COLGALT1: variants seen among roughly 807,000 people sequenced by gnomAD.
COLGALT1 encodes collagen beta(1-O)galactosyltransferase 1.
Under a neutral mutation model 60.8 loss-of-function variants are expected in COLGALT1, and 43 were observed. The ratio of observed to expected loss-of-function variants is 0.71; its 90% CI spans 0.55 to 0.91. The LOEUF is 0.91. Ranked by LOEUF, COLGALT1 falls within the 40% of genes least tolerant of loss-of-function variation. The probability of loss-of-function intolerance (pLI) is 0.00; values close to 1 mark genes in which losing one functional copy is unlikely to be tolerated. For missense variants in COLGALT1, 845 were observed against 880.0 expected (o/e 0.96, Z 0.50); for synonymous variants, 369 against 374.2 (o/e 0.99, Z 0.16).
intron 5 of COLGALT1, among the ~76,000 whole-genome samples, chr19:17,570,472 C>G (rs8101941): frequency 0.11 from 16,563 of 152,122 alleles, 987 homozygotes; most frequent in East Asian, 0.25. Context: ...ACTTGAACTC[C>G]TGGCCTTAAG....
chr19:17,566,956 A>C (rs2076282738), intron 3 of COLGALT1, among the ~76,000 whole-genome samples: 1 of 152,160 alleles, frequency 6.6e-6, no homozygotes, highest in Admixed American at 6.6e-5. Context: ...TCTATTAAAA[A>C]TACAAAAAGT....
intron 6 of COLGALT1, among the ~76,000 whole-genome samples, chr19:17,573,310 A>C (rs1335494322): frequency 6.6e-6 from 1 of 152,066 alleles, no homozygotes; most frequent in Non-Finnish European, 1.5e-5. Flanking sequence ...GGCGGATCAC[A>C]AGGTCAAAAG....
At chr19:17,560,676 T>C (rs984152881) in intron 3 of COLGALT1, among the ~76,000 whole-genome samples, 4 of 152,162 alleles carry the variant, frequency 2.6e-5, no homozygotes, top group African/African-American at 9.7e-5. Flanking sequence ...TAGGAATGAA[T>C]GGGCTTTTCT....
rs769345474 is a variant in COLGALT1 at position 17,577,248 on chromosome 19, C to T, written c.1003C>T (p.Pro335Ser). The T allele has an allele frequency of 6.2e-7, 1 of 1,613,286 alleles. No individual in the cohort carries two copies. The highest frequency in any genetic ancestry group is 1.7e-5 in the Admixed American group (1 of 59,944). ...SRFISAPTKT[P>S]DKMGFDEVFM... is the part of the protein sequence containing the mutation. ...CTTCATCTCGGCTCCCACCAAGACA[C>T]CGGACAAGATGGGCTTCGACGAGGT... The change falls in exon 7 of 12, where the codon CCG (proline) becomes TCG (serine). Residue 335 changes from proline (P) to serine (S), a missense_variant. By Grantham distance (74) the Pro-to-Ser change is moderately conservative (BLOSUM62 -1). Coordinates refer to ENST00000252599, the MANE Select transcript of COLGALT1 (RefSeq NM_024656.4).
intron 1 of COLGALT1, among the ~76,000 whole-genome samples, chr19:17,557,684 T>A (rs1288244442): frequency 1.3e-5 from 2 of 151,894 alleles, no homozygotes; most frequent in African/African-American, 4.8e-5. Flanking sequence ...TCACTGCAAC[T>A]TCCCCCTCCT....
chr19:17,558,305 C>T (rs983044823), intron 1 of COLGALT1, among the ~76,000 whole-genome samples: 12 of 147,114 alleles, frequency 8.2e-5, no homozygotes, highest in African/African-American at 3.0e-4. Flanking sequence ...AAACTCCTGA[C>T]CTCAGGTGAT....
At chr19:17,566,039 CAGAA>C (rs2076277954) in intron 3 of COLGALT1, 1 of 152,034 alleles carries the variant, frequency 6.6e-6, no homozygotes, top group Non-Finnish European at 1.5e-5. Context: ...GCCTGGGTAA[CAGAA>C]AGCATCTCTG....
intron 6 of COLGALT1, among the ~76,000 whole-genome samples, chr19:17,574,443 G>T (rs1036210936): frequency 6.6e-6 from 1 of 151,266 alleles, no homozygotes; most frequent in Non-Finnish European, 1.5e-5. Context: ...CGATTCCCCT[G>T]CCTCAGCCTC....
intron 3 of COLGALT1, among the ~76,000 whole-genome samples, chr19:17,564,574 GC>G (rs2076269740): frequency 1.3e-5 from 2 of 151,634 alleles, no homozygotes; most frequent in Non-Finnish European, 1.5e-5. Context: ...CCGCCACCAT[GC>G]CTGGCTAAGT....
chr19:17,563,692 T>C (rs988182222), intron 3 of COLGALT1, among the ~76,000 whole-genome samples: 1 of 152,080 alleles, frequency 6.6e-6, no homozygotes, highest in African/African-American at 2.4e-5. Flanking sequence ...GGTTTCACTA[T>C]GCTGACCAGG....
intron 8 of COLGALT1, 77 bp from the exon 9 acceptor site, chr19:17,577,880 G>A: frequency 6.5e-7 from 1 of 1,542,564 alleles, no homozygotes; most frequent in South Asian, 1.2e-5. Flanking sequence ...CGCCGCAGGG[G>A]GTGGTGGAAT....
In COLGALT1 at chr19:17,568,612, G is replaced by A. The variant is rs368389857; in HGVS notation, c.728G>A (p.Arg243Gln). ...MVHSTFLIDL[R>Q]KAASRNLAFY... ...CACTCGACCTTCCTGATCGACCTGC[G>A]GAAGGCGGCGTCCAGGAACCTGGCC... Residue 243 changes from arginine to glutamine, a missense_variant, in exon 5 of 12, where the codon CGG (arginine) becomes CAG (glutamine). By Grantham distance (43) the Arg-to-Gln change is conservative. Coordinates refer to ENST00000252599, the MANE Select transcript of COLGALT1 (RefSeq NM_024656.4). 53 of 1,614,086 alleles carry A rather than the reference G, an allele frequency of 3.3e-5. No homozygotes were observed. The highest frequency in any genetic ancestry group is 4.2e-5 in the Non-Finnish European group (49 of 1,180,032).
intron 3 of COLGALT1, among the ~76,000 whole-genome samples, chr19:17,564,413 CTTT>C (rs71162155): frequency 3.8e-5 from 4 of 104,184 alleles, no homozygotes; most frequent in Non-Finnish European, 5.9e-5. Context: ...AAAACATCTA[CTTT>C]TTTTTTTTTT....
At chr19:17,578,669 G>A (rs1275130674) in intron 9 of COLGALT1, among the ~76,000 whole-genome samples, 8 of 152,190 alleles carry the variant, frequency 5.3e-5, no homozygotes, top group African/African-American at 1.4e-4. Flanking sequence ...AGCCAAGATC[G>A]TGCCACTGCA....
intron 4 of COLGALT1, among the ~76,000 whole-genome samples, chr19:17,567,781 A>G (rs2076288321): frequency 6.6e-6 from 1 of 151,848 alleles, no homozygotes; most frequent in Non-Finnish European, 1.5e-5. Flanking sequence ...TCTACTAAAA[A>G]AAAAAAAAAT....
At chr19:17,558,422 C>T (rs2076227308) in intron 1 of COLGALT1, among the ~76,000 whole-genome samples, 1 of 148,964 alleles carries the variant, frequency 6.7e-6, no homozygotes, top group Admixed American at 6.7e-5. Flanking sequence ...TCATTCCTGT[C>T]ATCCCAGCAC....
intron 1 of COLGALT1, among the ~76,000 whole-genome samples, chr19:17,558,204 G>C (rs2076225160): frequency 6.6e-6 from 1 of 151,686 alleles, no homozygotes; most frequent in African/African-American, 2.4e-5. Flanking sequence ...CTCCCAAAGT[G>C]CTGGAATTAC....
At chr19:17,576,962 T>A in intron 6 of COLGALT1, 1 of 476,968 alleles carries the variant, frequency 2.1e-6, no homozygotes, top group East Asian at 3.3e-5. Flanking sequence ...GAGGCAGGAC[T>A]GGGGGCGGGG....
At chr19:17,557,093 C>G (rs1016083683) in intron 1 of COLGALT1, among the ~76,000 whole-genome samples, 6 of 152,082 alleles carry the variant, frequency 3.9e-5, no homozygotes, top group African/African-American at 7.2e-5. Context: ...ATTTATTGGG[C>G]AGAATTAGCT....
Sources: gnomAD v4.1 joint callset for allele counts (sites outside exome capture counted in the v4.1 genomes callset) on GRCh38, gnomAD v4.1.1 for gene constraint, MANE v1.5 for transcripts, NCBI Gene and HGNC (gene_info 2026-07-23, HGNC 2026-07-21) for gene names.